The following DLG2 variants were observed in gnomAD, a reference collection of about 807,000 sequenced individuals.
DLG2 encodes disks large homolog 2.
Under a neutral mutation model 132.5 loss-of-function variants are expected in DLG2, and 45 were observed. The observed-to-expected ratio is 0.34, with a 90% CI of 0.27 to 0.44. The LOEUF (loss-of-function observed/expected upper bound fraction) is 0.44, where lower values mean the gene tolerates loss of function less well. Among genes scored for constraint, DLG2 ranks in the 20% least tolerant of loss-of-function variants. The pLI is 1.00. For missense variants in DLG2, 1,045 were observed against 1,196.9 expected (o/e 0.87, Z 1.87); for synonymous variants, 424 against 419.6 (o/e 1.01, Z -0.13).
At chr11:84,221,709 G>A (rs1047898846) in intron 8 of DLG2, among the ~76,000 whole-genome samples, 11 of 151,916 alleles carry the variant, frequency 7.2e-5, no homozygotes, top group Admixed American at 1.3e-4. Flanking sequence ...TTTCTTTTAC[G>A]TGAATTGGGA....
chr11:84,610,455 A>G (rs2099593477), intron 6 of DLG2, among the ~76,000 whole-genome samples: 2 of 152,156 alleles, frequency 1.3e-5, no homozygotes, highest in South Asian at 4.1e-4. Context: ...ACCAGGTCAT[A>G]AAAGGTTCCA....
chr11:85,065,987 T>C (rs2064859813), intron 6 of DLG2, among the ~76,000 whole-genome samples: 1 of 151,378 alleles, frequency 6.6e-6, no homozygotes, highest in Non-Finnish European at 1.5e-5. Context: ...AAAAGTGAGA[T>C]AATAAATGCA....
chr11:84,812,503 T>G (rs1001987653), intron 6 of DLG2, among the ~76,000 whole-genome samples: 1 of 152,260 alleles, frequency 6.6e-6, no homozygotes. Flanking sequence ...ATGCTCAAAT[T>G]AGTTATGCAA....
chr11:84,551,472 G>C (rs2099401733), intron 6 of DLG2, among the ~76,000 whole-genome samples: 1 of 152,162 alleles, frequency 6.6e-6, no homozygotes. Context: ...TCATCTTTCA[G>C]ATTACTGCCT....
rs541034420 is a variant in DLG2 at position 84,839,885 on chromosome 11, C to A, written c.357+271776G>T. The stretch of plus-strand genomic sequence containing the variant: ...AATGTTAGGCCTATAACCATAAAAA[C>A]CCTAGAAGAAAACCTAGGCAATACC... On this transcript the variant is annotated intron_variant, in intron 6 of 27. Transcript: ENST00000376104. Among the ~76,000 whole-genome samples, 8 of 152,130 alleles carry A rather than the reference C, an allele frequency of 5.3e-5. No homozygotes were observed. The East Asian group carries it at 1.5e-3, about 29-fold the overall frequency.
chr11:83,944,437 A>G (rs1178384614), intron 14 of DLG2, among the ~76,000 whole-genome samples: 1 of 152,204 alleles, frequency 6.6e-6, no homozygotes, highest in African/African-American at 2.4e-5. Flanking sequence ...ACTAGTCATG[A>G]AGCCCAAGAA....
chr11:83,837,919 C>T (rs995088013), intron 16 of DLG2, among the ~76,000 whole-genome samples: 1 of 151,910 alleles, frequency 6.6e-6, no homozygotes, highest in Non-Finnish European at 1.5e-5. Flanking sequence ...AATGGGGATA[C>T]ATTTTAAACG....
intron 21 of DLG2, among the ~76,000 whole-genome samples, chr11:83,520,712 T>TAGATAGATAGAG (rs2095455006): frequency 1.0e-5 from 1 of 95,590 alleles, no homozygotes; most frequent in Non-Finnish European, 2.4e-5. Context: ...GATAGATAGA[T>TAGATAGATAGAG]AGATAGATAG....
At chr11:84,747,028 A>G (rs76639607) in intron 6 of DLG2, among the ~76,000 whole-genome samples, 1,592 of 152,252 alleles carry the variant, frequency 0.01, 30 homozygotes, top group African/African-American at 0.037. Flanking sequence ...TCCAGAACCA[A>G]ACACTGGCAA....
intron 18 of DLG2, among the ~76,000 whole-genome samples, chr11:83,713,669 T>C (rs1047716046): frequency 6.6e-6 from 1 of 152,238 alleles, no homozygotes; most frequent in African/African-American, 2.4e-5. Flanking sequence ...TTGTAGATTT[T>C]AATATGCAAT....
intron 9 of DLG2, among the ~76,000 whole-genome samples, chr11:84,161,229 A>T (rs2095539930): frequency 6.6e-6 from 1 of 152,066 alleles, no homozygotes; most frequent in Non-Finnish European, 1.5e-5. Context: ...AAAGTGCATG[A>T]GAGGGAGAAT....
chr11:85,586,598 C>T (rs1274191788), intron 3 of DLG2, among the ~76,000 whole-genome samples: 1 of 152,106 alleles, frequency 6.6e-6, no homozygotes, highest in Admixed American at 6.6e-5. Context: ...CTTCTCTCTT[C>T]CTTTCTTGGT....
intron 14 of DLG2, among the ~76,000 whole-genome samples, chr11:83,946,557 G>C (rs1308659755): frequency 6.6e-6 from 1 of 152,066 alleles, no homozygotes. Context: ...GTCGGAAATA[G>C]TCACATTTTT....
At chr11:84,276,323 C>T (rs4943890) in intron 7 of DLG2, among the ~76,000 whole-genome samples, 17,662 of 152,176 alleles carry the variant, frequency 0.12, 1,067 homozygotes, top group Admixed American at 0.16. Context: ...GCAAATATTA[C>T]GTGTTTTGTA....
chr11:84,580,365 CTT>C (rs1468845851), intron 6 of DLG2, among the ~76,000 whole-genome samples: 1 of 152,198 alleles, frequency 6.6e-6, no homozygotes, highest in Non-Finnish European at 1.5e-5. Context: ...ATTGCTAACT[CTT>C]TGACTTGTAC....
At chr11:83,657,086 G>A (rs888317361) in intron 18 of DLG2, among the ~76,000 whole-genome samples, 3 of 152,158 alleles carry the variant, frequency 2.0e-5, no homozygotes, top group African/African-American at 7.2e-5. Flanking sequence ...TCTCTTATCA[G>A]TGTTTCCATA....
intron 15 of DLG2, among the ~76,000 whole-genome samples, chr11:83,917,903 G>T (rs561446583): frequency 6.6e-6 from 1 of 152,096 alleles, no homozygotes; most frequent in Non-Finnish European, 1.5e-5. Context: ...TCTACAATTC[G>T]ATTCTGGCTG....
chr11:85,475,080 A>T (rs1183891805), intron 3 of DLG2, among the ~76,000 whole-genome samples: 1 of 151,792 alleles, frequency 6.6e-6, no homozygotes, highest in Non-Finnish European at 1.5e-5. Flanking sequence ...AATTAAGAAA[A>T]ATGAAATACA....
At chr11:84,519,103 G>A (rs973212497) in intron 7 of DLG2, among the ~76,000 whole-genome samples, 2 of 152,084 alleles carry the variant, frequency 1.3e-5, no homozygotes, top group African/African-American at 4.8e-5. Context: ...TTATGAGTTA[G>A]CTACTCTTAA....
Sources: allele counts gnomAD v4.1 joint callset (sites outside exome capture counted in the v4.1 genomes callset), GRCh38; gene constraint gnomAD v4.1.1; transcripts MANE v1.5; gene names NCBI Gene and HGNC (gene_info 2026-07-23, HGNC 2026-07-21).